Variants in DENND2B observed in about 807,000 individuals in gnomAD.
The protein encoded by DENND2B is DENN domain containing 2B.
In DENND2B, 32 loss-of-function variants were observed where a neutral mutation model predicts 116.0. That is an observed-to-expected ratio of 0.28 (90% CI 0.21 to 0.37). The LOEUF (loss-of-function observed/expected upper bound fraction) is 0.37. DENND2B is among the 10% of genes least tolerant of loss of function. DENND2B has a pLI of 1.00. For synonymous variants in DENND2B, 588 were observed against 583.9 expected (o/e 1.01, Z -0.10); for missense variants, 1,276 against 1,477.7 (o/e 0.86, Z 2.24).
At chr11:8,838,943 A>T (rs2062527550) in intron 4 of DENND2B, among the ~76,000 whole-genome samples, 1 of 152,250 alleles carries the variant, frequency 6.6e-6, no homozygotes, top group Non-Finnish European at 1.5e-5. Flanking sequence ...TACAACACAG[A>T]TGTATGCTGA....
chr11:8,829,273 T>C (rs1196565384), intron 4 of DENND2B, among the ~76,000 whole-genome samples: 4 of 152,024 alleles, frequency 2.6e-5, no homozygotes, highest in Non-Finnish European at 5.9e-5. Context: ...ATCAGAGCCG[T>C]CACTGCAATG....
chr11:8,850,452 A>T (rs2062965941), intron 3 of DENND2B, among the ~76,000 whole-genome samples: 1 of 152,190 alleles, frequency 6.6e-6, no homozygotes, highest in Non-Finnish European at 1.5e-5. Flanking sequence ...AATGTTCAAC[A>T]TCACTAATCA....
rs1405295386 is a variant in DENND2B, at chr11:8,699,253, G to A, written c.2858C>T (p.Ser953Phe). The change falls in exon 15 of 20, where the codon TCC (serine) becomes TTC (phenylalanine). Residue 953 changes from serine to phenylalanine, a missense_variant. Physicochemically the swap from Ser to Phe is radical, Grantham distance 155. Coordinates refer to ENST00000313726, the MANE Select transcript of DENND2B (RefSeq NM_213618.2). The stretch of plus-strand genomic sequence containing the variant: ...CTCCTTCAGTTTGGGGAGGGAGCTG[G>A]AGAGCAGGCCAACCAGGAAGGGGGT... The part of the protein sequence containing the change: ...CPTPFLVGLL[S>F]SSLPKLKELP... The A allele has an allele frequency of 6.3e-7, 1 of 1,591,044 alleles. No homozygotes were observed. The highest frequency in any genetic ancestry group is 8.5e-7 in the Non-Finnish European group (1 of 1,173,458).
chr11:8,901,229 C>CTTTTCTTTTTTTTTTTTTTTTTTTTTT (rs781408078), intron 1 of DENND2B, among the ~76,000 whole-genome samples: 1 of 83,918 alleles, frequency 1.2e-5, no homozygotes, highest in African/African-American at 4.8e-5. Context: ...CTTTTCTTTT[C>CTTTTCTTTTTTTTTTTTTTTTTTTTTT]TTTTTTTTTT....
chr11:8,880,022 T>TA (rs1389614958), intron 2 of DENND2B, among the ~76,000 whole-genome samples: 1 of 152,192 alleles, frequency 6.6e-6, no homozygotes, highest in African/African-American at 2.4e-5. Flanking sequence ...ATGGTGGTGG[T>TA]AGTTTTCATG....
At chr11:8,851,724 AG>A (rs34707100) in intron 3 of DENND2B, among the ~76,000 whole-genome samples, 2 of 151,974 alleles carry the variant, frequency 1.3e-5, no homozygotes, top group African/African-American at 2.4e-5. Context: ...TTAAATACAT[AG>A]GGGGGGACAA....
chr11:8,794,917 CT>C (rs1205611889), intron 1 of DENND2B: 1 of 152,382 alleles, frequency 6.6e-6, no homozygotes, highest in African/African-American at 2.4e-5. Flanking sequence ...TGAAATTCAA[CT>C]CCTGGCCTAA....
intron 1 of DENND2B, chr11:8,757,100 CG>C (rs1565865439): frequency 2.2e-6 from 1 of 456,244 alleles, no homozygotes. Flanking sequence ...TCGCAGGCCC[CG>C]AGGGGCAGTG....
chr11:8,757,749 T>C (rs1205392658), intron 1 of DENND2B, among the ~76,000 whole-genome samples: 2 of 152,214 alleles, frequency 1.3e-5, no homozygotes, highest in Non-Finnish European at 2.9e-5. Flanking sequence ...AGAGAGCAGT[T>C]AATTAGCTTG....
intron 4 of DENND2B, among the ~76,000 whole-genome samples, chr11:8,831,236 G>T (rs904785783): frequency 6.6e-6 from 1 of 152,204 alleles, no homozygotes; most frequent in East Asian, 1.9e-4. Context: ...ACATAAGTAT[G>T]TAATGGGTGT....
At chr11:8,700,241 C>T (rs2041300207) in intron 14 of DENND2B, among the ~76,000 whole-genome samples, 1 of 152,184 alleles carries the variant, frequency 6.6e-6, no homozygotes, top group Non-Finnish European at 1.5e-5. Flanking sequence ...GGCTGGTACA[C>T]AGGAGGGGCC....
intron 6 of DENND2B, 48 bp from the exon 7 acceptor site, chr11:8,714,754 C>T: frequency 2.0e-6 from 3 of 1,529,804 alleles, no homozygotes; most frequent in Non-Finnish European, 2.7e-6. Context: ...CACCAGCTGC[C>T]CTACTTCCAA....
intron 8 of DENND2B, 42 bp downstream of exon 8, chr11:8,713,956 C>A: frequency 1.9e-6 from 3 of 1,605,378 alleles, no homozygotes; most frequent in Non-Finnish European, 2.6e-6. Context: ...TCCCTGCAGC[C>A]CTGCTGGGAG....
chr11:8,827,227 T>C (rs573198149), intron 4 of DENND2B, among the ~76,000 whole-genome samples: 1 of 152,364 alleles, frequency 6.6e-6, no homozygotes, highest in African/African-American at 2.4e-5. Flanking sequence ...GCTGGTTGGC[T>C]GAGCTGTGAA....
intron 1 of DENND2B, among the ~76,000 whole-genome samples, chr11:8,791,487 C>T (rs1317411270): frequency 6.6e-6 from 1 of 152,016 alleles, no homozygotes; most frequent in African/African-American, 2.4e-5. Context: ...TCTTTTAAGC[C>T]AGGCACAGTG....
intron 2 of DENND2B, among the ~76,000 whole-genome samples, chr11:8,740,694 C>T (rs2050036197): frequency 6.6e-6 from 1 of 152,140 alleles, no homozygotes; most frequent in African/African-American, 2.4e-5. Flanking sequence ...CAAAATGCTT[C>T]CATCCCTACT....
In DENND2B at chr11:8,750,472, T is replaced by C. The variant is rs1214091824; in HGVS notation, c.80+149A>G. The C allele has an allele frequency of 6.0e-6, 4 of 664,774 alleles. No individual in the cohort carries two copies. The East Asian group carries it at 7.7e-5, about 13-fold the overall frequency. The allele number at this position is 664,774 out of a possible 1,614,324, so 41.2% of individuals were successfully genotyped here. A position where few individuals can be genotyped will look rare whatever the true frequency, so the allele number is the denominator to read the frequency against. ...CATAGAAACTTACAGAACTAGAAAA[T>C]ATCTTCTGCCTAATGGTCAGCATGA... On this transcript the variant is annotated intron_variant, in intron 2 of 19. Transcript: ENST00000313726.
chr11:8,869,694 T>G (rs958158401), intron 2 of DENND2B, among the ~76,000 whole-genome samples: 6 of 151,794 alleles, frequency 4.0e-5, no homozygotes, highest in Non-Finnish European at 5.9e-5. Context: ...ATAAAAAATA[T>G]ATGCCAGATA....
At chr11:8,855,356 C>T (rs969678162) in intron 3 of DENND2B, among the ~76,000 whole-genome samples, 4 of 151,452 alleles carry the variant, frequency 2.6e-5, no homozygotes, top group African/African-American at 9.7e-5. Context: ...GGGCGCCCAT[C>T]TTATGTTCCT....
Sources: gnomAD v4.1 joint callset for allele counts (sites outside exome capture counted in the v4.1 genomes callset) on GRCh38, gnomAD v4.1.1 for gene constraint, MANE v1.5 for transcripts, NCBI Gene and HGNC (gene_info 2026-07-23, HGNC 2026-07-21) for gene names.